SPOCK1: variants seen among roughly 807,000 people sequenced by gnomAD.
SPOCK1 encodes the protein testican-1.
A neutral mutation model predicts 55.3 loss-of-function variants in SPOCK1; 23 were observed. That is an observed-to-expected ratio of 0.42 (90% CI 0.30 to 0.59). SPOCK1 has a LOEUF of 0.59. Among genes scored for constraint, SPOCK1 ranks in the 20% least tolerant of loss-of-function variants. The pLI, the probability that SPOCK1 is intolerant of heterozygous loss-of-function variation, is 0.22. For missense variants in SPOCK1, 499 were observed against 552.5 expected (o/e 0.90, Z 0.97); for synonymous variants, 226 against 221.0 (o/e 1.02, Z -0.20).
intron 2 of SPOCK1, among the ~76,000 whole-genome samples, chr5:137,290,911 T>C (rs896956815): frequency 6.6e-6 from 1 of 152,190 alleles, no homozygotes; most frequent in Admixed American, 6.5e-5. Flanking sequence ...AATTAACATA[T>C]TGATCGCTTA....
At chr5:137,382,007 C>T (rs1439358697) in intron 2 of SPOCK1, among the ~76,000 whole-genome samples, 1 of 152,218 alleles carries the variant, frequency 6.6e-6, no homozygotes, top group Non-Finnish European at 1.5e-5. Flanking sequence ...TCTTTCTTCA[C>T]ACATACGAGC....
intron 3 of SPOCK1, among the ~76,000 whole-genome samples, chr5:137,141,503 C>T (rs1411333973): frequency 2.0e-5 from 3 of 152,040 alleles, no homozygotes; most frequent in African/African-American, 4.8e-5. Context: ...AGTTTTGTGC[C>T]GCACAAAGTT....
At chr5:137,004,970 G>C (rs1751218170) in intron 6 of SPOCK1, among the ~76,000 whole-genome samples, 1 of 152,218 alleles carries the variant, frequency 6.6e-6, no homozygotes, top group African/African-American at 2.4e-5. Flanking sequence ...AGGAAGAAAA[G>C]AGCAAAATGG....
intron 2 of SPOCK1, among the ~76,000 whole-genome samples, chr5:137,374,050 C>T (rs571681888): frequency 1.8e-3 from 275 of 152,354 alleles, no homozygotes; most frequent in Middle Eastern, 3.4e-3. Context: ...TGTAACTGTA[C>T]CTATCTCATA....
At chr5:137,203,324 C>T (rs1049590532) in intron 3 of SPOCK1, among the ~76,000 whole-genome samples, 1 of 151,876 alleles carries the variant, frequency 6.6e-6, no homozygotes. Context: ...AAAAGTGGCA[C>T]CTGATATGAG....
chr5:137,277,725 G>A lies in SPOCK1; in HGVS notation c.187-10670C>T, dbSNP rs147519514. 1.4e-3 allele frequency among the ~76,000 whole-genome samples: 209 copies of A among 152,274 alleles called. 1 individual carries two copies. Among genetic ancestry groups the A allele is most frequent in the African/African-American group, 4.9e-3 (204 of 41,528 alleles). On this transcript the variant is annotated intron_variant, in intron 2 of 10. Coordinates refer to ENST00000394945, the MANE Select transcript of SPOCK1 (RefSeq NM_004598.4). ...AGGTCTCTAAGTAAGTGGACAGCCG[G>A]TCTATCTGTCATGTGTCTGCCCCAA...
At chr5:137,198,178 T>C (rs1033055422) in intron 3 of SPOCK1, among the ~76,000 whole-genome samples, 18 of 152,244 alleles carry the variant, frequency 1.2e-4, no homozygotes, top group African/African-American at 4.3e-4. Flanking sequence ...TTCTATTCTA[T>C]AAAAGTATCA....
chr5:137,467,306 G>A (rs760883605), intron 2 of SPOCK1, among the ~76,000 whole-genome samples: 29 of 152,240 alleles, frequency 1.9e-4, no homozygotes, highest in Non-Finnish European at 3.2e-4. Context: ...ACAAGGGCAT[G>A]AATGTCAGGT....
chr5:136,993,921 C>T (rs755832184), intron 6 of SPOCK1, among the ~76,000 whole-genome samples: 56 of 152,180 alleles, frequency 3.7e-4, no homozygotes, highest in African/African-American at 1.3e-3. Context: ...CTAGGTGAAA[C>T]TTCTCCAGAA....
intron 3 of SPOCK1, among the ~76,000 whole-genome samples, chr5:137,256,354 TG>T (rs1756631653): frequency 1.3e-5 from 2 of 152,278 alleles, no homozygotes; most frequent in Admixed American, 6.5e-5. Context: ...TATCATAGAC[TG>T]GGTAATTTAT....
chr5:137,000,501 C>T (rs1435433938), intron 6 of SPOCK1, among the ~76,000 whole-genome samples: 1 of 152,164 alleles, frequency 6.6e-6, no homozygotes, highest in East Asian at 1.9e-4. Context: ...GGCTCCTCCT[C>T]ACCAACAGGG....
chr5:137,342,895 A>G (rs956012195), intron 2 of SPOCK1, among the ~76,000 whole-genome samples: 4 of 152,226 alleles, frequency 2.6e-5, no homozygotes, highest in Admixed American at 1.3e-4. Flanking sequence ...CAGAAGTACA[A>G]TATCTATATT....
intron 6 of SPOCK1, among the ~76,000 whole-genome samples, chr5:136,996,340 G>C (rs1053244336): frequency 6.6e-6 from 1 of 152,208 alleles, no homozygotes; most frequent in African/African-American, 2.4e-5. Context: ...CCTGGCGAGA[G>C]GAGCAGGGCA....
chr5:137,096,938 G>A (rs1406677620), intron 5 of SPOCK1, among the ~76,000 whole-genome samples: 2 of 152,180 alleles, frequency 1.3e-5, no homozygotes, highest in Non-Finnish European at 2.9e-5. Flanking sequence ...TATGGGCCAA[G>A]GGAGCACAGG....
intron 6 of SPOCK1, among the ~76,000 whole-genome samples, chr5:137,042,900 T>G (rs1752028026): frequency 6.6e-6 from 1 of 152,136 alleles, no homozygotes; most frequent in South Asian, 2.1e-4. Context: ...TATACACATA[T>G]ATATTCCCTT....
At chr5:137,200,324 C>T (rs1366698835) in intron 3 of SPOCK1, among the ~76,000 whole-genome samples, 1 of 152,158 alleles carries the variant, frequency 6.6e-6, no homozygotes, top group Non-Finnish European at 1.5e-5. Flanking sequence ...CTCAGTGAGG[C>T]CTTTCCCTGG....
At chr5:137,399,579 A>G (rs1258925656) in intron 2 of SPOCK1, among the ~76,000 whole-genome samples, 2 of 152,122 alleles carry the variant, frequency 1.3e-5, no homozygotes, top group Non-Finnish European at 2.9e-5. Flanking sequence ...TTCCATGCAG[A>G]GATTGACCAC....
At chr5:137,484,443 G>A (rs1178457210) in intron 2 of SPOCK1, among the ~76,000 whole-genome samples, 1 of 152,196 alleles carries the variant, frequency 6.6e-6, no homozygotes, top group Non-Finnish European at 1.5e-5. Flanking sequence ...TCCCAATCGG[G>A]ACTCTGATGA....
At chr5:137,237,279 T>G (rs191695066) in intron 3 of SPOCK1, among the ~76,000 whole-genome samples, 1 of 152,112 alleles carries the variant, frequency 6.6e-6, no homozygotes, top group African/African-American at 2.4e-5. Flanking sequence ...ACTCATTCAG[T>G]GAATGGAAGA....
Sources: allele counts gnomAD v4.1 joint callset (sites outside exome capture counted in the v4.1 genomes callset), GRCh38; gene constraint gnomAD v4.1.1; transcripts MANE v1.5; gene names NCBI Gene and HGNC (gene_info 2026-07-23, HGNC 2026-07-21).